ARID4B: variants seen among roughly 807,000 people sequenced by gnomAD.
The protein encoded by ARID4B is AT-rich interaction domain 4B, also known as AT-rich interactive domain-containing protein 4B.
A neutral mutation model predicts 147.5 loss-of-function variants in ARID4B; 26 were observed. The ratio of observed to expected loss-of-function variants is 0.18; its 90% confidence interval spans 0.13 to 0.24. The LOEUF (loss-of-function observed/expected upper bound fraction) is 0.24. Among genes scored for constraint, ARID4B ranks in the 10% least tolerant of loss-of-function variants. The probability of loss-of-function intolerance (pLI) is 1.00; values close to 1 mark genes in which losing one functional copy is unlikely to be tolerated. For missense variants in ARID4B, 1,179 were observed against 1,511.5 expected, an observed-to-expected ratio of 0.78 and a Z score of 3.65; for synonymous variants, 512 against 507.9, an observed-to-expected ratio of 1.01 and a Z score of -0.11.
At chr1:235,234,120 T>C (rs1401323794) in intron 9 of ARID4B, among the ~76,000 whole-genome samples, 1 of 152,148 alleles carries the variant, frequency 6.6e-6, no homozygotes, top group Non-Finnish European at 1.5e-5. Context: ...ATACATTAGA[T>C]ATGGCAAATT....
At chr1:235,266,721 C>A (rs952881563) in intron 2 of ARID4B, among the ~76,000 whole-genome samples, 30 of 152,204 alleles carry the variant, frequency 2.0e-4, no homozygotes, top group African/African-American at 7.0e-4. Flanking sequence ...ACAGTAATCT[C>A]TAATGTGTCT....
chr1:235,194,075 T>C lies in ARID4B; in HGVS notation c.2063A>G (p.Lys688Arg), dbSNP rs140967551. The C allele has an allele frequency of 5.0e-6, 8 of 1,613,258 alleles. No homozygotes were observed. Among genetic ancestry groups the C allele is most frequent in the African/African-American group, 1.3e-5 (1 of 75,034 alleles). Residue 688 changes from lysine to arginine, a missense_variant, in exon 19 of 24, where the codon AAA becomes AGA. Transcript: ENST00000264183. Reference protein sequence around the residue: ...MVSKLDLTDAKNSDTAHIKSI... With the variant: ...MVSKLDLTDARNSDTAHIKSI... ...CTTAATATGAGCAGTATCAGAGTTTTTGGCATCAGTGAGATCCAGTTTGGA... is the reference window on the plus strand; with the variant it reads ...CTTAATATGAGCAGTATCAGAGTTTCTGGCATCAGTGAGATCCAGTTTGGA...
At chr1:235,300,073 T>C (rs1266373493) in intron 2 of ARID4B, among the ~76,000 whole-genome samples, 1 of 152,054 alleles carries the variant, frequency 6.6e-6, no homozygotes, top group Non-Finnish European at 1.5e-5. Flanking sequence ...GTACTTCCAT[T>C]TGCTTTTTCA....
intron 2 of ARID4B, 29 bp downstream of exon 2, chr1:235,326,883 CCA>C: frequency 3.1e-6 from 5 of 1,613,588 alleles, no homozygotes; most frequent in Non-Finnish European, 4.2e-6. Context: ...TTCGATAACC[CCA>C]GAGATTCGTT....
At chr1:235,175,042 G>A (rs887705621) in intron 22 of ARID4B, 142 bp downstream of exon 22, 1 of 713,460 alleles carries the variant, frequency 1.4e-6, no homozygotes. Context: ...GGAGGCTGAA[G>A]ATTACAGTGA....
chr1:235,276,875 C>T (rs1671349229), intron 2 of ARID4B, among the ~76,000 whole-genome samples: 1 of 151,592 alleles, frequency 6.6e-6, no homozygotes, highest in African/African-American at 2.4e-5. Flanking sequence ...TAGCGGGTGC[C>T]TGTAATCCCA....
At chr1:235,196,573 C>T (rs1665502779) in intron 17 of ARID4B, among the ~76,000 whole-genome samples, 1 of 152,098 alleles carries the variant, frequency 6.6e-6, no homozygotes, top group South Asian at 2.1e-4. Flanking sequence ...CGTATTACAG[C>T]CAGGCACAGT....
intron 2 of ARID4B, among the ~76,000 whole-genome samples, chr1:235,293,096 T>G (rs1270339042): frequency 1.3e-5 from 2 of 152,198 alleles, no homozygotes; most frequent in East Asian, 3.8e-4. Flanking sequence ...ACTGCTCCCC[T>G]TGTGCCAAGC....
chr1:235,233,155 C>T (rs1003568514), intron 9 of ARID4B, among the ~76,000 whole-genome samples: 17 of 152,012 alleles, frequency 1.1e-4, no homozygotes, highest in African/African-American at 3.4e-4. Flanking sequence ...GTTTTTGAAG[C>T]TAACTTTTCA....
chr1:235,292,897 A>C (rs2103217175), intron 2 of ARID4B, among the ~76,000 whole-genome samples: 2 of 152,360 alleles, frequency 1.3e-5, no homozygotes, highest in Middle Eastern at 3.4e-3. Flanking sequence ...AGAAGAGAAA[A>C]GCTAAAGTAG....
chr1:235,282,971 G>T (rs532659262), intron 2 of ARID4B, among the ~76,000 whole-genome samples: 1 of 151,916 alleles, frequency 6.6e-6, no homozygotes, highest in Non-Finnish European at 1.5e-5. Flanking sequence ...TAGTAGAGAC[G>T]GGGTTTCACC....
chr1:235,316,065 A>G (rs1674404835), intron 2 of ARID4B, among the ~76,000 whole-genome samples: 1 of 152,164 alleles, frequency 6.6e-6, no homozygotes, highest in African/African-American at 2.4e-5. Flanking sequence ...GCTACAGACT[A>G]CAATTCCAGA....
intron 2 of ARID4B, among the ~76,000 whole-genome samples, chr1:235,302,479 A>C (rs752334907): frequency 6.6e-6 from 1 of 152,204 alleles, no homozygotes; most frequent in African/African-American, 2.4e-5. Context: ...AATAATTTTG[A>C]TATCATTACA....
At position 235,274,026 on chromosome 1, in the gene ARID4B, G is replaced by C. The variant is rs1671152353; in HGVS notation, c.7-13274C>G. On this transcript the variant is annotated intron_variant, in intron 2 of 23. Coordinates refer to ENST00000264183, the MANE Select transcript of ARID4B (RefSeq NM_016374.6). ...TTGTAAAACATAAAAAGTAATTGCAGAAACTGAAATTATACTAGTTTGGTG... is the reference window on the plus strand; with the variant it reads ...TTGTAAAACATAAAAAGTAATTGCACAAACTGAAATTATACTAGTTTGGTG... 2.0e-5 allele frequency among the ~76,000 whole-genome samples: 3 copies of C among 152,136 alleles called. No individual in the cohort carries two copies. The South Asian group carries it at 6.2e-4, about 32-fold the overall frequency.
intron 2 of ARID4B, among the ~76,000 whole-genome samples, chr1:235,291,891 A>G (rs929865996): frequency 2.0e-5 from 3 of 152,206 alleles, no homozygotes; most frequent in Non-Finnish European, 2.9e-5. Context: ...GAGATAGGGA[A>G]GTAAGACGGC....
chr1:235,182,909 C>T, intron 19 of ARID4B, 116 bp from the exon 20 acceptor site: 8 of 929,162 alleles, frequency 8.6e-6, no homozygotes, highest in Non-Finnish European at 1.2e-5. Flanking sequence ...AGGTTGCTGG[C>T]TTTTATCTCT....
At chr1:235,270,768 A>G (rs1005268241) in intron 2 of ARID4B, among the ~76,000 whole-genome samples, 4 of 152,240 alleles carry the variant, frequency 2.6e-5, no homozygotes, top group Non-Finnish European at 5.9e-5. Context: ...TCATCTTGCT[A>G]GTGAGGTCAC....
intron 2 of ARID4B, among the ~76,000 whole-genome samples, chr1:235,281,404 A>G (rs1671663191): frequency 6.6e-6 from 1 of 152,124 alleles, no homozygotes; most frequent in African/African-American, 2.4e-5. Context: ...TGCAAAAATC[A>G]GCTGGGCGTG....
intron 17 of ARID4B, among the ~76,000 whole-genome samples, chr1:235,199,098 CA>C (rs1665702185): frequency 6.6e-6 from 1 of 151,792 alleles, no homozygotes. Flanking sequence ...GACTCCGTCT[CA>C]AAAAACAAAA....
Sources: gnomAD v4.1 joint callset for allele counts (sites outside exome capture counted in the v4.1 genomes callset) on GRCh38, gnomAD v4.1.1 for gene constraint, MANE v1.5 for transcripts, NCBI Gene and HGNC (gene_info 2026-07-23, HGNC 2026-07-21) for gene names.